SUDS3: variants seen among roughly 807,000 people sequenced by gnomAD.
SUDS3 encodes the protein SIN3A corepressor complex component SDS3, also known as sin3 histone deacetylase corepressor complex component SDS3.
SUDS3 carries 23 observed loss-of-function variants against 53.5 expected under a neutral mutation model. The ratio of observed to expected loss-of-function variants is 0.43; its 90% CI spans 0.31 to 0.61. The LOEUF is 0.61. SUDS3 is among the 20% of genes least tolerant of loss of function. SUDS3 has a pLI of 0.10. For synonymous variants in SUDS3, 150 were observed against 148.5 expected, an observed-to-expected ratio of 1.01 and a Z score of -0.08; for missense variants, 291 against 405.9, an observed-to-expected ratio of 0.72 and a Z score of 2.43.
chr12:118,397,136 G>T (rs930612913), intron 6 of SUDS3, among the ~76,000 whole-genome samples: 1 of 152,116 alleles, frequency 6.6e-6, no homozygotes, highest in Non-Finnish European at 1.5e-5. Context: ...GATCAGAGAG[G>T]GTTTCTAATT....
At chr12:118,411,996 C>A (rs762059712) in intron 11 of SUDS3, among the ~76,000 whole-genome samples, 4 of 152,180 alleles carry the variant, frequency 2.6e-5, no homozygotes, top group Non-Finnish European at 4.4e-5. Context: ...TGGCCTGAAA[C>A]GACCCACACG....
intron 1 of SUDS3, among the ~76,000 whole-genome samples, chr12:118,378,530 GGTGTGCA>G (rs1254472480): frequency 2.0e-5 from 3 of 149,958 alleles, no homozygotes; most frequent in African/African-American, 4.9e-5. Context: ...CACCCAGGCT[GGTGTGCA>G]GTGTCACGAT....
At chr12:118,384,383 G>T (rs187179834) in intron 3 of SUDS3, among the ~76,000 whole-genome samples, 2 of 152,324 alleles carry the variant, frequency 1.3e-5, no homozygotes, top group South Asian at 2.1e-4. Context: ...TGTTATCAAA[G>T]AATAAAGTTT....
intron 11 of SUDS3, among the ~76,000 whole-genome samples, chr12:118,412,666 T>G (rs1214395017): frequency 1.3e-5 from 2 of 152,234 alleles, no homozygotes; most frequent in Non-Finnish European, 2.9e-5. Context: ...CATGTGGCCT[T>G]CTAGTACCTG....
At chr12:118,413,209 CAG>C (rs2046373437) in intron 11 of SUDS3, among the ~76,000 whole-genome samples, 1 of 152,180 alleles carries the variant, frequency 6.6e-6, no homozygotes. Context: ...TGAGATGAAA[CAG>C]AATAAGCTTT....
intron 4 of SUDS3, among the ~76,000 whole-genome samples, chr12:118,389,151 A>G (rs2046142150): frequency 6.6e-6 from 1 of 152,022 alleles, no homozygotes; most frequent in Non-Finnish European, 1.5e-5. Context: ...TCTGTCTCAA[A>G]AAAACCAGAA....
At chr12:118,394,111 T>G (rs921079678) in intron 6 of SUDS3, among the ~76,000 whole-genome samples, 3 of 152,176 alleles carry the variant, frequency 2.0e-5, no homozygotes, top group Non-Finnish European at 4.4e-5. Context: ...CATAAATATA[T>G]TAGAGCTAAC....
chr12:118,382,320 T>C (rs2141361256), intron 2 of SUDS3, among the ~76,000 whole-genome samples: 1 of 152,208 alleles, frequency 6.6e-6, no homozygotes, highest in East Asian at 1.9e-4. Flanking sequence ...CGTGTTGAGA[T>C]TACAGGCCTG....
chr12:118,386,926 C>G (rs148398549), intron 4 of SUDS3, among the ~76,000 whole-genome samples: 1 of 152,174 alleles, frequency 6.6e-6, no homozygotes, highest in Non-Finnish European at 1.5e-5. Context: ...ATTTTTAACG[C>G]TCATCATCAG....
chr12:118,413,419 C>T (rs1055362235), intron 11 of SUDS3, among the ~76,000 whole-genome samples: 8 of 152,192 alleles, frequency 5.3e-5, no homozygotes, highest in East Asian at 3.8e-4. Flanking sequence ...CCAGAATTCA[C>T]GTCGTGATAA....
chr12:118,387,066 C>T (rs1206081961), intron 4 of SUDS3, among the ~76,000 whole-genome samples: 2 of 152,184 alleles, frequency 1.3e-5, no homozygotes, highest in Non-Finnish European at 2.9e-5. Context: ...GACTCTCCAA[C>T]GCTTCACTGT....
At chr12:118,410,205 G>A (rs111429969) in intron 10 of SUDS3, among the ~76,000 whole-genome samples, 310 of 152,360 alleles carry the variant, frequency 2.0e-3, no homozygotes, top group African/African-American at 7.2e-3. Context: ...TACACAGTAA[G>A]TGCTTAATGA....
chr12:118,391,702 C>T (rs927368991), intron 6 of SUDS3, among the ~76,000 whole-genome samples: 1 of 152,180 alleles, frequency 6.6e-6, no homozygotes, highest in Non-Finnish European at 1.5e-5. Flanking sequence ...GATGGGAATC[C>T]CTCGCTTTGT....
chr12:118,409,366 C>T (rs765385987), intron 10 of SUDS3, among the ~76,000 whole-genome samples: 4 of 152,062 alleles, frequency 2.6e-5, no homozygotes, highest in East Asian at 1.9e-4. Flanking sequence ...AGGCTGGTCT[C>T]GATCTCCTGA....
In SUDS3 at chr12:118,415,866, T is replaced by G. The variant is rs1415497579; in HGVS notation, c.*1433T>G. On this transcript the variant is annotated 3_prime_UTR_variant, in exon 12 of 12. Transcript: ENST00000543473. Reference sequence around the variant, plus strand: ...CAAACCTTACTGACTTGTACAGACTTGTACAAGTAAAGACTTATACAGATA... The same window carrying G: ...CAAACCTTACTGACTTGTACAGACTGGTACAAGTAAAGACTTATACAGATA... The G allele has an allele frequency of 6.6e-6, 1 of 152,128 alleles. No homozygotes were observed. The highest frequency in any genetic ancestry group is 1.9e-4 in the East Asian group (1 of 5,190). The allele number at this position is 152,128 out of a possible 1,614,324, so 9.4% of individuals were successfully genotyped here.
chr12:118,399,309 C>A (rs1003174133), intron 6 of SUDS3, among the ~76,000 whole-genome samples: 3 of 152,084 alleles, frequency 2.0e-5, no homozygotes, highest in Non-Finnish European at 4.4e-5. Flanking sequence ...TGAGACCAGC[C>A]TGGTCAATAT....
At chr12:118,414,257 G>A in intron 11 of SUDS3, 78 bp from the exon 12 acceptor site, 1 of 1,051,216 alleles carries the variant, frequency 9.5e-7, no homozygotes, top group Non-Finnish European at 1.4e-6. Flanking sequence ...TCTCACTCGT[G>A]CAGATATTTT....
At chr12:118,404,821 G>A (rs2046295691) in intron 10 of SUDS3, among the ~76,000 whole-genome samples, 1 of 152,108 alleles carries the variant, frequency 6.6e-6, no homozygotes, top group African/African-American at 2.4e-5. Context: ...TTGGGGTAAT[G>A]ATTATTTATT....
chr12:118,394,420 GAGAT>G (rs1220772992), intron 6 of SUDS3, among the ~76,000 whole-genome samples: 1 of 152,178 alleles, frequency 6.6e-6, no homozygotes, highest in African/African-American at 2.4e-5. Context: ...GTCCCTCAGT[GAGAT>G]AGATAGTGGT....
Sources: allele counts gnomAD v4.1 joint callset (sites outside exome capture counted in the v4.1 genomes callset), GRCh38; gene constraint gnomAD v4.1.1; transcripts MANE v1.5; gene names NCBI Gene and HGNC (gene_info 2026-07-23, HGNC 2026-07-21).